The following SIL1 variants were observed in gnomAD, a reference collection of about 807,000 sequenced individuals.
SIL1 encodes the protein SIL1 nucleotide exchange factor.
SIL1 carries 40 observed loss-of-function variants against 49.1 expected under a neutral mutation model. That is an observed-to-expected ratio of 0.81 (90% CI 0.63 to 1.06). The LOEUF (loss-of-function observed/expected upper bound fraction) is 1.06. Among genes scored for constraint, SIL1 ranks in the 50% least tolerant of loss-of-function variants. SIL1 has a pLI of 0.00. For missense variants in SIL1, 500 were observed against 572.6 expected (o/e 0.87, Z 1.29); for synonymous variants, 253 against 250.8 (o/e 1.01, Z -0.08).
chr5:138,956,008 G>A (rs181344397), intron 7 of SIL1, among the ~76,000 whole-genome samples: 1 of 152,380 alleles, frequency 6.6e-6, no homozygotes, highest in Admixed American at 6.5e-5. Flanking sequence ...AGGTGTAACT[G>A]AAGAGAGCTT....
chr5:139,135,317 C>G (rs1007975272), intron 1 of SIL1, among the ~76,000 whole-genome samples: 2 of 152,094 alleles, frequency 1.3e-5, no homozygotes, highest in African/African-American at 2.4e-5. Flanking sequence ...AGGGACTGCT[C>G]TCAACAAACC....
At position 139,127,725 on chromosome 5, in the gene SIL1, A is replaced by G; in HGVS notation, c.105+14T>C. ...TCATCAAGGGTCCCTCCCATTTACA[A>G]TAAAGATATTTACCAGGTTCTGATG... On this transcript the variant is annotated intron_variant, in intron 2 of 9. Coordinates refer to ENST00000394817, the MANE Select transcript of SIL1 (RefSeq NM_022464.5). 3.1e-6 allele frequency: 5 copies of G among 1,601,478 alleles called. No homozygotes were observed. The highest frequency in any genetic ancestry group is 4.5e-4 in the Middle Eastern group (2 of 4,460).
At chr5:139,152,863 AGAGT>A (rs1240626073) in intron 1 of SIL1, among the ~76,000 whole-genome samples, 5 of 152,114 alleles carry the variant, frequency 3.3e-5, no homozygotes, top group Non-Finnish European at 5.9e-5. Flanking sequence ...TGCCCAGGCT[AGAGT>A]GAGTGCAATG....
At chr5:139,167,388 G>A (rs1751646817) in intron 1 of SIL1, among the ~76,000 whole-genome samples, 1 of 152,160 alleles carries the variant, frequency 6.6e-6, no homozygotes, top group Admixed American at 6.5e-5. Flanking sequence ...CCTTCCAGTG[G>A]GACTAAATGT....
chr5:138,972,042 T>C (rs898351301), intron 7 of SIL1, among the ~76,000 whole-genome samples: 3 of 152,154 alleles, frequency 2.0e-5, no homozygotes, highest in African/African-American at 7.2e-5. Context: ...GAATGAGCTC[T>C]GTAGGGTCCC....
chr5:138,979,343 G>A (rs1327962755), intron 7 of SIL1, among the ~76,000 whole-genome samples: 3 of 152,172 alleles, frequency 2.0e-5, no homozygotes, highest in Admixed American at 6.5e-5. Context: ...GATTACAGGC[G>A]TGAGCCACAG....
At chr5:138,954,784 G>T (rs1766864714) in intron 7 of SIL1, among the ~76,000 whole-genome samples, 1 of 152,210 alleles carries the variant, frequency 6.6e-6, no homozygotes, top group African/African-American at 2.4e-5. Context: ...CAAGGACCAG[G>T]GCCTGCAGGA....
chr5:139,126,751 GAGA>G (rs1386880589), intron 2 of SIL1, among the ~76,000 whole-genome samples: 1 of 152,240 alleles, frequency 6.6e-6, no homozygotes. Context: ...TGATTTCAGA[GAGA>G]AGGTGGAAGC....
intron 9 of SIL1, among the ~76,000 whole-genome samples, chr5:138,950,588 G>A (rs1012719056): frequency 6.6e-6 from 1 of 152,234 alleles, no homozygotes; most frequent in African/African-American, 2.4e-5. Flanking sequence ...AATGCTCTCT[G>A]CAGTAGCTGA....
At chr5:139,059,821 C>T (rs372516742) in intron 3 of SIL1, among the ~76,000 whole-genome samples, 1 of 152,158 alleles carries the variant, frequency 6.6e-6, no homozygotes, top group Non-Finnish European at 1.5e-5. Context: ...TACACGGGCT[C>T]ATTTGTCTTC....
In SIL1 at chr5:138,983,198, CAAAAAAAAAA is replaced by C. The variant is rs33926268; in HGVS notation, c.768-31324_768-31315del. 1.4e-4 allele frequency among the ~76,000 whole-genome samples: 4 copies of C among 28,118 alleles called. No homozygotes were observed. The South Asian group carries it at 0.011, about 75-fold the overall frequency. 18.4% of individuals were successfully genotyped at this position (28,118 alleles called of 152,430 possible). On this transcript the variant is annotated intron_variant, in intron 7 of 9. Coordinates refer to ENST00000394817, the MANE Select transcript of SIL1 (RefSeq NM_022464.5). ...TGGGTGACAGAGTGAGACACTGTCT[CAAAAAAAAAA>C]AAAAAAAAAAAAAAAAAAGGCCGGG...
At chr5:138,976,401 C>T (rs1767394722) in intron 7 of SIL1, among the ~76,000 whole-genome samples, 1 of 151,658 alleles carries the variant, frequency 6.6e-6, no homozygotes, top group Non-Finnish European at 1.5e-5. Flanking sequence ...CAACCTCTGC[C>T]TCCTGGGTTC....
At chr5:139,142,853 C>G (rs1358644852) in intron 1 of SIL1, among the ~76,000 whole-genome samples, 1 of 152,094 alleles carries the variant, frequency 6.6e-6, no homozygotes, top group Non-Finnish European at 1.5e-5. Context: ...ACTGCAAGCT[C>G]TGCCTTCCGG....
At chr5:139,168,065 G>A (rs1751660285) in intron 1 of SIL1, among the ~76,000 whole-genome samples, 1 of 152,080 alleles carries the variant, frequency 6.6e-6, no homozygotes, top group African/African-American at 2.4e-5. Flanking sequence ...GCTTACCATT[G>A]TGTTACAATT....
intron 3 of SIL1, among the ~76,000 whole-genome samples, chr5:139,090,669 T>C (rs543294465): frequency 6.6e-6 from 1 of 152,252 alleles, no homozygotes; most frequent in South Asian, 2.1e-4. Flanking sequence ...TGGAGTGCAG[T>C]AGTATGATCA....
At chr5:139,166,818 GTTT>G (rs369543713) in intron 1 of SIL1, among the ~76,000 whole-genome samples, 1 of 150,732 alleles carries the variant, frequency 6.6e-6, no homozygotes, top group Admixed American at 6.6e-5. Context: ...CAATGTTTTT[GTTT>G]TTTTTGAGAC....
At position 139,195,066 on chromosome 5, in the gene SIL1, G is replaced by A. The variant is rs559064831; in HGVS notation, c.-11+3203C>T. Among the ~76,000 whole-genome samples the A allele has an allele frequency of 2.6e-5, 4 of 151,986 alleles. No individual in the cohort carries two copies. The East Asian group carries it at 7.8e-4, about 30-fold the overall frequency. The stretch of plus-strand genomic sequence containing the variant: ...TCCTGCCTCAGCCTCCCGAGTAGCT[G>A]GGATTACAGGCATGCGCCACCACGC... On this transcript the variant is annotated intron_variant, in intron 1 of 9. Coordinates refer to ENST00000394817, the MANE Select transcript of SIL1 (RefSeq NM_022464.5).
rs1285604500 is a variant in SIL1, at chr5:138,978,063, TTTA to T, written c.768-26182_768-26180del. Among the ~76,000 whole-genome samples the T allele has an allele frequency of 2.0e-5, 3 of 152,274 alleles. No individual in the cohort carries two copies. The East Asian group carries it at 5.8e-4, about 29-fold the overall frequency. ...TAACACGTTACTGACTTAAAAATGCTTTATTGAGGTAAAATTCACATACCACAC... is the reference window on the plus strand; with the variant it reads ...TAACACGTTACTGACTTAAAAATGCTTTGAGGTAAAATTCACATACCACAC... On this transcript the variant is annotated intron_variant, in intron 7 of 9. Transcript: ENST00000394817.
At chr5:139,069,777 A>T (rs960688215) in intron 3 of SIL1, among the ~76,000 whole-genome samples, 2 of 152,218 alleles carry the variant, frequency 1.3e-5, no homozygotes, top group African/African-American at 4.8e-5. Flanking sequence ...AAAATCAGCA[A>T]GTAACTTATA....
Sources: gnomAD v4.1 joint callset for allele counts (sites outside exome capture counted in the v4.1 genomes callset) on GRCh38, gnomAD v4.1.1 for gene constraint, MANE v1.5 for transcripts, NCBI Gene and HGNC (gene_info 2026-07-23, HGNC 2026-07-21) for gene names.